Variants in MLIP observed in about 807,000 individuals in gnomAD.
MLIP encodes muscular LMNA interacting protein.
Under a neutral mutation model 84.8 loss-of-function variants are expected in MLIP, and 79 were observed. The observed-to-expected ratio is 0.93, with a 90% CI of 0.78 to 1.12. The LOEUF (loss-of-function observed/expected upper bound fraction) is 1.12. MLIP is among the 50% of genes most tolerant of loss of function. The pLI, the probability that MLIP is intolerant of heterozygous loss-of-function variation, is 0.00. For synonymous variants in MLIP, 504 were observed against 463.0 expected, an observed-to-expected ratio of 1.09 and a Z score of -1.14; for missense variants, 1,257 against 1,160.6, an observed-to-expected ratio of 1.08 and a Z score of -1.21.
rs1029761450 is a variant in MLIP, at chr6:54,054,191, C to G, written c.63+35100C>G. Among the ~76,000 whole-genome samples, 12 of 152,282 alleles carry G rather than the reference C, an allele frequency of 7.9e-5. No individual in the cohort carries two copies. The South Asian group carries it at 2.5e-3, about 32-fold the overall frequency. ...AAAGACTCCTTTTCTTATCAGCGCT[C>G]TCACAAGAATTTACATCCCACACTG... is the stretch of plus-strand genomic sequence containing the variant. On this transcript the variant is annotated intron_variant, in intron 1 of 12. Transcript: ENST00000274897.
chr6:54,019,676 C>T (rs949836843), intron 1 of MLIP, among the ~76,000 whole-genome samples: 1 of 152,114 alleles, frequency 6.6e-6, no homozygotes, highest in African/African-American at 2.4e-5. Flanking sequence ...GTCCATGGCT[C>T]ATCTGATGAG....
intron 9 of MLIP, among the ~76,000 whole-genome samples, chr6:54,174,761 A>G (rs1021169170): frequency 3.3e-5 from 5 of 151,794 alleles, no homozygotes; most frequent in African/African-American, 9.7e-5. Context: ...ATGTGATCCC[A>G]TTTGTCCATT....
chr6:54,118,349 A>T (rs1040943439), intron 1 of MLIP, among the ~76,000 whole-genome samples: 4 of 152,242 alleles, frequency 2.6e-5, no homozygotes, highest in Non-Finnish European at 5.9e-5. Flanking sequence ...TGAGAGTTCC[A>T]GCTGAGAGTC....
intron 11 of MLIP, chr6:54,217,413 A>T: frequency 1.0e-6 from 1 of 985,452 alleles, no homozygotes; most frequent in South Asian, 4.7e-5. Flanking sequence ...TTGAGTAGAA[A>T]GTAGGCTTTT....
intron 1 of MLIP, among the ~76,000 whole-genome samples, chr6:54,117,211 CTTTTTT>C (rs200691416): frequency 0.41 from 47,921 of 117,620 alleles, 8,604 homozygotes; most frequent in Admixed American, 0.48. Context: ...CTATTTCTGT[CTTTTTT>C]TTTTTTTTTT....
chr6:54,040,192 G>A (rs1764665081), intron 1 of MLIP, among the ~76,000 whole-genome samples: 1 of 151,878 alleles, frequency 6.6e-6, no homozygotes, highest in Non-Finnish European at 1.5e-5. Context: ...TAGGTACTGA[G>A]GATACAGTAG....
chr6:54,119,796 A>G (rs1167266295), intron 1 of MLIP, among the ~76,000 whole-genome samples: 1 of 152,250 alleles, frequency 6.6e-6, no homozygotes, highest in Non-Finnish European at 1.5e-5. Context: ...ATCATGTTGT[A>G]CATGATAAAT....
intron 1 of MLIP, among the ~76,000 whole-genome samples, chr6:54,030,990 A>G (rs570715595): frequency 2.0e-5 from 3 of 152,314 alleles, no homozygotes; most frequent in African/African-American, 7.2e-5. Flanking sequence ...GGTATAGTGG[A>G]CAGTATTTTC....
rs377480207 is a variant in MLIP, at chr6:54,098,053, G to A, written c.64-23394G>A. ...GTTCTAATGAGCACTGAAACCATGA[G>A]AGTAGAGAACATGAGAGAAGAGAGT... On this transcript the variant is annotated intron_variant, in intron 1 of 12. Transcript: ENST00000274897. Among the ~76,000 whole-genome samples the A allele has an allele frequency of 1.7e-4, 26 of 152,080 alleles. 1 individual carries two copies. In the South Asian group the frequency reaches 5.2e-3, roughly 30 times the overall value.
At chr6:54,131,289 G>A (rs565931979) in intron 3 of MLIP, among the ~76,000 whole-genome samples, 2 of 152,116 alleles carry the variant, frequency 1.3e-5, no homozygotes, top group East Asian at 3.9e-4. Context: ...TTGAGGCTGT[G>A]GAATTCATGG....
intron 10 of MLIP, among the ~76,000 whole-genome samples, chr6:54,200,727 GA>G (rs1778622029): frequency 6.8e-6 from 1 of 147,204 alleles, no homozygotes; most frequent in Admixed American, 6.8e-5. Flanking sequence ...TTTTCCCCTT[GA>G]GAAAAATCAG....
chr6:54,068,349 C>G (rs1766320723), intron 1 of MLIP, among the ~76,000 whole-genome samples: 1 of 97,948 alleles, frequency 1.0e-5, no homozygotes, highest in African/African-American at 2.6e-5. Flanking sequence ...GTCGGCCAGG[C>G]TGGTCTCGAA....
rs1445383758 is a variant in MLIP, at chr6:54,138,048, C to T, written c.1979C>T (p.Ser660Phe). 3 of 1,536,008 alleles carry T rather than the reference C, an allele frequency of 2.0e-6. No homozygotes were observed. The highest frequency in any genetic ancestry group is 1.4e-5 in the African/African-American group (1 of 73,026). The change falls in exon 4 of 14, where the codon TCC becomes TTC. Residue 660 changes from serine (S) to phenylalanine (F), a missense_variant. Transcript: ENST00000502396. Reference sequence around the variant, plus strand: ...GCCTCTCTTCCCAACTTGAGGTCCTCCTCTCTCCCTCATGCCAATCTGCCC... The same window carrying T: ...GCCTCTCTTCCCAACTTGAGGTCCTTCTCTCTCCCTCATGCCAATCTGCCC... The part of the protein sequence containing the change: ...DFASLPNLRS[S>F]SLPHANLPTL...
chr6:54,067,441 A>G (rs1398339778), intron 1 of MLIP, among the ~76,000 whole-genome samples: 1 of 101,438 alleles, frequency 9.9e-6, no homozygotes, highest in African/African-American at 2.5e-5. Context: ...ACTTTATTTA[A>G]TTCTTTCTTT....
rs186287435 is a variant in MLIP, at chr6:54,259,116, T to A, written c.2976+1755T>A. Among the ~76,000 whole-genome samples the A allele has an allele frequency of 8.2e-4, 124 of 152,080 alleles. 1 individual carries two copies. The highest frequency in any genetic ancestry group is 2.8e-3 in the African/African-American group (116 of 41,562). On this transcript the variant is annotated intron_variant, in intron 13 of 13. Transcript: ENST00000502396. ...ATTTCTTCTGTTATTTTTGTCTTTT[T>A]AAATCTATTTTGTTTTTGCATTATC...
In MLIP at chr6:54,067,313, A is replaced by G. The variant is rs1340491994; in HGVS notation, c.63+48222A>G. ...CAAATATACTGAAATTGATAAAAAG[A>G]AGACAGAAATTGACTTTGACATGCT... On this transcript the variant is annotated intron_variant, in intron 1 of 12. Transcript: ENST00000274897. 2.0e-4 allele frequency among the ~76,000 whole-genome samples: 20 copies of G among 101,362 alleles called. 9 individuals are homozygous for G. Among genetic ancestry groups the G allele is most frequent in the Non-Finnish European group, 5.7e-4 (20 of 35,202 alleles). 66.5% of individuals were successfully genotyped at this position (101,362 alleles called of 152,430 possible).
chr6:54,238,831 A>C lies in MLIP; in HGVS notation c.2922+7914A>C, dbSNP rs1168218682. 5.3e-5 allele frequency among the ~76,000 whole-genome samples: 8 copies of C among 152,160 alleles called. No homozygotes were observed. The East Asian group carries it at 1.5e-3, about 29-fold the overall frequency. Reference sequence around the variant, plus strand: ...TTTTTCTTTCATTTAAAAAAAAATTATTTCATGCCAAGTTTGTGACAGTGG... The same window carrying C: ...TTTTTCTTTCATTTAAAAAAAAATTCTTTCATGCCAAGTTTGTGACAGTGG... On this transcript the variant is annotated intron_variant, in intron 12 of 13. Coordinates refer to ENST00000502396, the MANE Select transcript of MLIP (RefSeq NM_001281747.2).
At chr6:54,068,403 CT>C in intron 1 of MLIP, among the ~76,000 whole-genome samples, 1 of 98,640 alleles carries the variant, frequency 1.0e-5, no homozygotes, top group African/African-American at 2.6e-5. Flanking sequence ...TCCCAAAGTT[CT>C]GTCATAACAG....
intron 11 of MLIP, among the ~76,000 whole-genome samples, chr6:54,206,785 C>T (rs1288357725): frequency 1.3e-5 from 2 of 152,126 alleles, no homozygotes; most frequent in African/African-American, 4.8e-5. Context: ...TTCTTTATGT[C>T]ACCCACATGT....
Sources: gnomAD v4.1 joint callset for allele counts (sites outside exome capture counted in the v4.1 genomes callset) on GRCh38, gnomAD v4.1.1 for gene constraint, MANE v1.5 for transcripts, NCBI Gene and HGNC (gene_info 2026-07-23, HGNC 2026-07-21) for gene names.